HYKK: variants seen among roughly 807,000 people sequenced by gnomAD.
The protein encoded by HYKK is 5-hydroxy-L-lysine kinase.
A neutral mutation model predicts 29.7 loss-of-function variants in HYKK; 19 were observed. The ratio of observed to expected loss-of-function variants is 0.64; its 90% CI spans 0.45 to 0.94. The LOEUF (loss-of-function observed/expected upper bound fraction) is 0.94. Ranked by LOEUF, HYKK falls within the 40% of genes least tolerant of loss-of-function variation. The pLI, the probability that HYKK is intolerant of heterozygous loss-of-function variation, is 0.00. For missense variants in HYKK, 390 were observed against 443.4 expected, an observed-to-expected ratio of 0.88 and a Z score of 1.08; for synonymous variants, 152 against 158.1, an observed-to-expected ratio of 0.96 and a Z score of 0.29.
At chr15:78,523,102 G>T (rs1395673920) in intron 3 of HYKK, among the ~76,000 whole-genome samples, 1 of 152,192 alleles carries the variant, frequency 6.6e-6, no homozygotes, top group Non-Finnish European at 1.5e-5. Flanking sequence ...ACCATGGGAA[G>T]TGTGTTAGTC....
rs1567025803 is a variant in HYKK, at chr15:78,533,551, A to G, written c.1003A>G (p.Met335Val). 6.2e-7 allele frequency: 1 copy of G among 1,612,740 alleles called. No individual in the cohort carries two copies. Among genetic ancestry groups the G allele is most frequent in the Non-Finnish European group, 8.5e-7 (1 of 1,178,718 alleles). Residue 335 changes from methionine (M) to valine (V), a missense_variant, in exon 5 of 5, where the codon ATG (methionine) becomes GTG (valine). Coordinates refer to ENST00000388988, the MANE Select transcript of HYKK (RefSeq NM_001013619.4). ...QLYPENKDYL[M>V]VTAKTGWKHL... ...ATACCCAGAGAACAAAGACTATCTC[A>G]TGGTTACTGCAAAAACCGGGTGGAA...
At chr15:78,524,847 C>T (rs2052233397) in intron 3 of HYKK, among the ~76,000 whole-genome samples, 2 of 152,124 alleles carry the variant, frequency 1.3e-5, no homozygotes, top group South Asian at 4.2e-4. Flanking sequence ...AAAAACAGGT[C>T]TCATGAGAAC....
chr15:78,536,864 A>G (rs2052367448), downstream of HYKK, among the ~76,000 whole-genome samples: 1 of 152,226 alleles, frequency 6.6e-6, no homozygotes, highest in African/African-American at 2.4e-5. Flanking sequence ...CCCCTCACCA[A>G]TATGGGTGGG....
intron 3 of HYKK, among the ~76,000 whole-genome samples, chr15:78,523,915 G>A (rs1269156330): frequency 6.6e-6 from 1 of 152,192 alleles, no homozygotes; most frequent in East Asian, 1.9e-4. Context: ...CCCAAGCCTG[G>A]GGTAGCCCCA....
At chr15:78,528,301 G>T in intron 4 of HYKK, 1 of 339,004 alleles carries the variant, frequency 2.9e-6, no homozygotes, top group Non-Finnish European at 4.2e-6. Flanking sequence ...GATGATCTGA[G>T]ATGAAACAGT....
At chr15:78,511,739 A>G (rs2052075585) in intron 1 of HYKK, among the ~76,000 whole-genome samples, 1 of 151,882 alleles carries the variant, frequency 6.6e-6, no homozygotes, top group Middle Eastern at 3.4e-3. Flanking sequence ...TAAAAAAAAA[A>G]AAATCAATTC....
chr15:78,515,039 C>G lies in HYKK; in HGVS notation c.409C>G (p.Leu137Val), dbSNP rs762296061. ...TYLPGRPIAE[L>V]PVSPQLLYEI... is the part of the protein sequence containing the mutation. ...CCTCCCAGGAAGACCCATCGCTGAGCTTCCCGTCAGCCCCCAGCTATTGTA... is the reference window on the plus strand; with the variant it reads ...CCTCCCAGGAAGACCCATCGCTGAGGTTCCCGTCAGCCCCCAGCTATTGTA... The change falls in exon 3 of 5, where the codon CTT becomes GTT. Residue 137 changes from leucine to valine, a missense_variant. By Grantham distance (32) the Leu-to-Val change is conservative. Transcript: ENST00000388988. The G allele has an allele frequency of 3.1e-6, 5 of 1,604,668 alleles. No individual in the cohort carries two copies. Among genetic ancestry groups the G allele is most frequent in the African/African-American group, 1.3e-5 (1 of 74,536 alleles).
chr15:78,524,867 A>G (rs2052233602), intron 3 of HYKK, among the ~76,000 whole-genome samples: 4 of 152,122 alleles, frequency 2.6e-5, no homozygotes, highest in Admixed American at 2.6e-4. Context: ...CTCACTCACT[A>G]TCACAAGAAC....
chr15:78,519,940 A>G (rs1482466697), intron 3 of HYKK, among the ~76,000 whole-genome samples: 3 of 152,178 alleles, frequency 2.0e-5, no homozygotes, highest in South Asian at 2.1e-4. Flanking sequence ...TCATATGCCT[A>G]TGGCCACTGA....
In HYKK at chr15:78,535,245, T is replaced by C. The variant is rs1190839027; in HGVS notation, c.*1575T>C. 2 of 145,452 alleles carry C rather than the reference T, an allele frequency of 1.4e-5. No individual in the cohort carries two copies. Among genetic ancestry groups the C allele is most frequent in the African/African-American group, 2.5e-5 (1 of 39,834 alleles). The allele number at this position is 145,452 out of a possible 1,614,324, so 9.0% of individuals were successfully genotyped here. ...TTATATGGTTCATTTTTCACTTCTTTGTCCCTCAATTTCATTTCATTTCTT... is the reference window on the plus strand; with the variant it reads ...TTATATGGTTCATTTTTCACTTCTTCGTCCCTCAATTTCATTTCATTTCTT... On this transcript the variant is annotated 3_prime_UTR_variant, in exon 5 of 5. Coordinates refer to ENST00000388988, the MANE Select transcript of HYKK (RefSeq NM_001013619.4).
intron 1 of HYKK, among the ~76,000 whole-genome samples, chr15:78,508,087 C>T (rs2052032697): frequency 6.6e-6 from 1 of 152,180 alleles, no homozygotes; most frequent in African/African-American, 2.4e-5. Flanking sequence ...CCTCTGCAGC[C>T]CGCTCACCCA....
chr15:78,513,517 T>C, intron 2 of HYKK, 92 bp downstream of exon 2: 1 of 877,350 alleles, frequency 1.1e-6, no homozygotes, highest in Admixed American at 2.3e-5. Flanking sequence ...AGGTTCATAA[T>C]TCCAAGTGTA....
At chr15:78,524,595 G>C (rs1186107468) in intron 3 of HYKK, among the ~76,000 whole-genome samples, 1 of 152,134 alleles carries the variant, frequency 6.6e-6, no homozygotes, top group African/African-American at 2.4e-5. Flanking sequence ...GCCTTCTTGA[G>C]GTCAGGAGTT....
intron 3 of HYKK, among the ~76,000 whole-genome samples, chr15:78,519,837 T>G (rs1233419071): frequency 6.6e-6 from 1 of 152,254 alleles, no homozygotes; most frequent in Non-Finnish European, 1.5e-5. Context: ...TTCCTCAGAC[T>G]TAAACCTACT....
chr15:78,509,659 T>C (rs1168484229), intron 1 of HYKK, among the ~76,000 whole-genome samples: 1 of 152,220 alleles, frequency 6.6e-6, no homozygotes, highest in Non-Finnish European at 1.5e-5. Flanking sequence ...TATTGCATTT[T>C]GAATACTTAC....
intron 3 of HYKK, among the ~76,000 whole-genome samples, chr15:78,522,558 CAAAAAAAAAAA>C (rs746784955): frequency 9.1e-4 from 39 of 42,744 alleles, no homozygotes; most frequent in African/African-American, 3.1e-3. Context: ...GACTCCGTCT[CAAAAAAAAAAA>C]AAAAAAAAAA....
chr15:78,528,341 C>G, intron 4 of HYKK: 1 of 745,226 alleles, frequency 1.3e-6, no homozygotes, highest in Non-Finnish European at 1.6e-6. Context: ...TCCGCTGTCT[C>G]CTGTCCATGG....
In HYKK at chr15:78,507,622, A is replaced by T. The variant is rs2052025628; in HGVS notation, c.-55A>T. The T allele has an allele frequency of 6.6e-6, 1 of 152,282 alleles. No homozygotes were observed. The allele number at this position is 152,282 out of a possible 1,614,324, so 9.4% of individuals were successfully genotyped here. A position where few individuals can be genotyped will look rare whatever the true frequency, so the allele number is the denominator to read the frequency against. On this transcript the variant is annotated 5_prime_UTR_variant, in exon 1 of 5. Transcript: ENST00000388988. ...GCCGGTGCGCGGCCGAGGCCGCACT[A>T]CCTGTCTGCGGGAAAGCGGGATCCA...
intron 3 of HYKK, among the ~76,000 whole-genome samples, chr15:78,520,261 G>T: frequency 6.8e-6 from 1 of 146,752 alleles, no homozygotes; most frequent in African/African-American, 2.6e-5. Context: ...TATTTTTATT[G>T]ATCATTCTTG....
Sources: gnomAD v4.1 joint callset for allele counts (sites outside exome capture counted in the v4.1 genomes callset) on GRCh38, gnomAD v4.1.1 for gene constraint, MANE v1.5 for transcripts, NCBI Gene and HGNC (gene_info 2026-07-23, HGNC 2026-07-21) for gene names.